Variants in ATP10D observed in about 807,000 individuals in gnomAD.
The protein encoded by ATP10D is ATPase phospholipid transporting 10D (putative), also known as phospholipid-transporting ATPase VD.
A neutral mutation model predicts 144.8 loss-of-function variants in ATP10D; 89 were observed. The observed-to-expected ratio is 0.61, with a 90% CI of 0.52 to 0.73. The LOEUF is 0.73. Among genes scored for constraint, ATP10D ranks in the 30% least tolerant of loss-of-function variants. The pLI, the probability that ATP10D is intolerant of heterozygous loss-of-function variation, is 0.00. For synonymous variants in ATP10D, 571 were observed against 615.1 expected (o/e 0.93, Z 1.06); for missense variants, 1,603 against 1,714.8 (o/e 0.93, Z 1.15).
In ATP10D at chr4:47,558,046, C is replaced by T. The variant is rs932629300; in HGVS notation, c.2207C>T (p.Ala736Val). The change falls in exon 12 of 23, where the codon GCC (alanine) becomes GTC (valine). Residue 736 changes from alanine to valine, a missense_variant. Coordinates refer to ENST00000273859, the MANE Select transcript of ATP10D (RefSeq NM_020453.4). Reference sequence around the variant, plus strand: ...CCAGACGAAGCGGCCTTAGTGTATGCCGCCAGGGCTTACCAATGCACTTTA... The same window carrying T: ...CCAGACGAAGCGGCCTTAGTGTATGTCGCCAGGGCTTACCAATGCACTTTA... ...ESPDEAALVY[A>V]ARAYQCTLRS... is the part of the protein sequence containing the mutation. The T allele has an allele frequency of 6.2e-7, 1 of 1,614,124 alleles. No individual in the cohort carries two copies. Among genetic ancestry groups the T allele is most frequent in the African/African-American group, 1.3e-5 (1 of 74,938 alleles).
intron 10 of ATP10D, among the ~76,000 whole-genome samples, chr4:47,551,447 T>C (rs773590371): frequency 5.3e-5 from 8 of 152,224 alleles, no homozygotes; most frequent in Non-Finnish European, 1.0e-4. Context: ...TAAAAAGATA[T>C]CTACTTGAGC....
chr4:47,537,672 T>C (rs1226500209), intron 9 of ATP10D, among the ~76,000 whole-genome samples: 1 of 152,188 alleles, frequency 6.6e-6, no homozygotes, highest in East Asian at 1.9e-4. Flanking sequence ...GTAAATTGTT[T>C]ATTTTATTCA....
chr4:47,514,634 A>T (rs1278271606), intron 2 of ATP10D, among the ~76,000 whole-genome samples: 1 of 152,196 alleles, frequency 6.6e-6, no homozygotes. Context: ...ATTTGAATAT[A>T]TAAAGTAGAA....
At chr4:47,522,207 A>G (rs1235988932) in intron 3 of ATP10D, among the ~76,000 whole-genome samples, 1 of 152,168 alleles carries the variant, frequency 6.6e-6, no homozygotes, top group Non-Finnish European at 1.5e-5. Context: ...CCCTAGGGAA[A>G]ATGACATTCT....
In ATP10D at chr4:47,563,739, C is replaced by T. The variant is rs750067673; in HGVS notation, c.2827C>T (p.Leu943Phe). 1.9e-6 allele frequency: 3 copies of T among 1,609,350 alleles called. No individual in the cohort carries two copies. The African/African-American group carries it at 4.0e-5, about 22-fold the overall frequency. Residue 943 changes from leucine (L) to phenylalanine (F), a missense_variant, in exon 15 of 23, where the codon CTT (leucine) becomes TTT (phenylalanine). Physicochemically the swap from Leu to Phe is conservative, Grantham distance 22 (BLOSUM62 0). Coordinates refer to ENST00000273859, the MANE Select transcript of ATP10D (RefSeq NM_020453.4). Reference protein sequence around the residue: ...ACKLLEPDDKLFILNTQSKDA... With the variant: ...ACKLLEPDDKFFILNTQSKDA... ...CAAACTACTGGAGCCAGATGACAAGCTTTTTATCCTCAATACCCAAAGTAA... is the reference window on the plus strand; with the variant it reads ...CAAACTACTGGAGCCAGATGACAAGTTTTTTATCCTCAATACCCAAAGTAA...
intron 1 of ATP10D, among the ~76,000 whole-genome samples, chr4:47,491,915 A>G (rs924275531): frequency 6.6e-6 from 1 of 152,078 alleles, no homozygotes; most frequent in African/African-American, 2.4e-5. Flanking sequence ...TATCTTTTTT[A>G]TTGAACTAAA....
At chr4:47,543,560 G>A (rs775610660) in intron 9 of ATP10D, among the ~76,000 whole-genome samples, 61 of 152,060 alleles carry the variant, frequency 4.0e-4, no homozygotes, top group Non-Finnish European at 7.8e-4. Context: ...AAACCCCCAG[G>A]GGACAAATTC....
At chr4:47,571,145 A>G (rs1221596772) in intron 16 of ATP10D, among the ~76,000 whole-genome samples, 1 of 152,084 alleles carries the variant, frequency 6.6e-6, no homozygotes, top group South Asian at 2.1e-4. Context: ...AATTTTGTTC[A>G]ATTATCTTGT....
intron 18 of ATP10D, among the ~76,000 whole-genome samples, chr4:47,574,365 T>C (rs188918645): frequency 1.3e-5 from 2 of 152,192 alleles, no homozygotes; most frequent in African/African-American, 4.8e-5. Flanking sequence ...AATTGATATC[T>C]CTTATTTACC....
Position 47,536,701 on chromosome 4 carries a change from T to G in ATP10D, c.1159T>G (p.Ser387Ala). ...IILLQVLIPI[S>A]LYVSIEIVKL... is the part of the protein sequence containing the mutation. ...ATCTTCTTAGGTCTTGATTCCTATT[T>G]CTCTCTATGTTTCCATCGAAATTGT... The change falls in exon 9 of 23, where the codon TCT becomes GCT. Residue 387 changes from serine to alanine, a missense_variant. By Grantham distance (99) the Ser-to-Ala change is moderately conservative. Coordinates refer to ENST00000273859, the MANE Select transcript of ATP10D (RefSeq NM_020453.4). The G allele has an allele frequency of 1.2e-6, 2 of 1,608,890 alleles. No homozygotes were observed. The highest frequency in any genetic ancestry group is 1.7e-6 in the Non-Finnish European group (2 of 1,178,278).
intron 17 of ATP10D, 90 bp from the exon 18 acceptor site, chr4:47,572,782 T>C: frequency 6.6e-7 from 1 of 1,522,684 alleles, no homozygotes; most frequent in Non-Finnish European, 9.0e-7. Context: ...AGGTAGAATA[T>C]GAGGCCTAGG....
intron 3 of ATP10D, among the ~76,000 whole-genome samples, chr4:47,519,066 T>C (rs114247719): frequency 9.2e-4 from 140 of 152,360 alleles, no homozygotes; most frequent in Non-Finnish European, 1.5e-3. Context: ...TTGTGCCCAA[T>C]GATAATTCAT....
At position 47,503,185 on chromosome 4, in the gene ATP10D, G is replaced by A. The variant is rs183000689; in HGVS notation, c.-37-9319G>A. Reference sequence around the variant, plus strand: ...CCACTGCACTCCAGCCTGGGTGACAGAGTGAGACTCCATCTTAAAAAATAA... The same window carrying A: ...CCACTGCACTCCAGCCTGGGTGACAAAGTGAGACTCCATCTTAAAAAATAA... On this transcript the variant is annotated intron_variant, in intron 1 of 22. Transcript: ENST00000273859. Among the ~76,000 whole-genome samples, 208 of 152,282 alleles carry A rather than the reference G, an allele frequency of 1.4e-3. 1 individual carries two copies. The highest frequency in any genetic ancestry group is 2.1e-3 in the Non-Finnish European group (142 of 68,028).
chr4:47,485,447 T>A lies in ATP10D; in HGVS notation c.-110T>A. ...CACAACCCGCTTTCACTCTTCGAAT[T>A]TGTGCTTAGCTCTTTTCTTGTACCT... is the stretch of plus-strand genomic sequence containing the variant. On this transcript the variant is annotated 5_prime_UTR_variant, in exon 1 of 23. It adds an upstream start codon to the 5' untranslated region. Transcript: ENST00000273859. 6.6e-6 allele frequency: 1 copy of A among 152,036 alleles called. No homozygotes were observed. The allele number at this position is 152,036 out of a possible 1,614,324, so 9.4% of individuals were successfully genotyped here. A position where few individuals can be genotyped will look rare whatever the true frequency, so the allele number is the denominator to read the frequency against.
chr4:47,530,293 A>C (rs905384945), intron 5 of ATP10D, among the ~76,000 whole-genome samples: 1 of 152,046 alleles, frequency 6.6e-6, no homozygotes, highest in Non-Finnish European at 1.5e-5. Flanking sequence ...TGAATTTGTC[A>C]TACATGATTC....
intron 1 of ATP10D, chr4:47,490,991 T>C (rs777555491): frequency 4.5e-6 from 3 of 669,668 alleles, no homozygotes; most frequent in Non-Finnish European, 2.8e-6. Flanking sequence ...TCTGATGCCA[T>C]GTGTTCATAG....
At chr4:47,548,665 A>G (rs1325899166) in intron 10 of ATP10D, among the ~76,000 whole-genome samples, 2 of 152,096 alleles carry the variant, frequency 1.3e-5, no homozygotes, top group Non-Finnish European at 2.9e-5. Context: ...GTCATTGCTG[A>G]TTATGTGGAT....
At position 47,576,565 on chromosome 4, in the gene ATP10D, G is replaced by A. The variant is rs1446665157; in HGVS notation, c.3367-208G>A. Among the ~76,000 whole-genome samples, 17 of 152,044 alleles carry A rather than the reference G, an allele frequency of 1.1e-4. 1 individual carries two copies. Among genetic ancestry groups the A allele is most frequent in the Admixed American group, 7.2e-4 (11 of 15,284 alleles). On this transcript the variant is annotated intron_variant, in intron 18 of 22. Coordinates refer to ENST00000273859, the MANE Select transcript of ATP10D (RefSeq NM_020453.4). ...AATGCTAGCACCACATAATAAGTGGGGTGTGAGTGTGTGTACATACATGTG... is the reference window on the plus strand; with the variant it reads ...AATGCTAGCACCACATAATAAGTGGAGTGTGAGTGTGTGTACATACATGTG...
intron 15 of ATP10D, among the ~76,000 whole-genome samples, chr4:47,564,240 G>A (rs1356373418): frequency 6.6e-6 from 1 of 151,996 alleles, no homozygotes; most frequent in Non-Finnish European, 1.5e-5. Context: ...AACCTACCTT[G>A]TGCTTGGAAG....
Sources: allele counts gnomAD v4.1 joint callset (sites outside exome capture counted in the v4.1 genomes callset), GRCh38; gene constraint gnomAD v4.1.1; transcripts MANE v1.5; gene names NCBI Gene and HGNC (gene_info 2026-07-23, HGNC 2026-07-21).